Variants in MDFIC observed in about 807,000 individuals in gnomAD.
MDFIC encodes the protein myoD family inhibitor domain-containing protein.
In MDFIC, 17 loss-of-function variants were observed where a neutral mutation model predicts 23.2. That is an observed-to-expected ratio of 0.73 (90% CI 0.50 to 1.10). MDFIC has a LOEUF of 1.10. Among genes scored for constraint, MDFIC ranks in the 50% least tolerant of loss-of-function variants. The pLI, the probability that MDFIC is intolerant of heterozygous loss-of-function variation, is 0.00. For missense variants in MDFIC, 356 were observed against 316.6 expected, an observed-to-expected ratio of 1.12 and a Z score of -0.95; for synonymous variants, 120 against 115.2, an observed-to-expected ratio of 1.04 and a Z score of -0.27.
At chr7:115,005,328 A>C (rs1791548538) in intron 4 of MDFIC, among the ~76,000 whole-genome samples, 1 of 152,248 alleles carries the variant, frequency 6.6e-6, no homozygotes, top group Non-Finnish European at 1.5e-5. Context: ...AAGGGTGATC[A>C]TTAATTGAAA....
intron 4 of MDFIC, among the ~76,000 whole-genome samples, chr7:114,984,254 C>T (rs1420215151): frequency 6.6e-6 from 1 of 152,184 alleles, no homozygotes; most frequent in African/African-American, 2.4e-5. Flanking sequence ...AAACAACTCT[C>T]ACACCTGTGC....
chr7:114,939,238 T>C (rs1389446075), intron 2 of MDFIC, among the ~76,000 whole-genome samples: 1 of 152,314 alleles, frequency 6.6e-6, no homozygotes, highest in East Asian at 1.9e-4. Flanking sequence ...AAGTGGAGAA[T>C]TGGCAAAAGT....
chr7:114,929,461 T>C (rs1242133902), intron 2 of MDFIC, among the ~76,000 whole-genome samples: 1 of 152,198 alleles, frequency 6.6e-6, no homozygotes, highest in African/African-American at 2.4e-5. Flanking sequence ...CTGCTATAGA[T>C]ATGGTGTCTC....
intron 4 of MDFIC, among the ~76,000 whole-genome samples, chr7:115,008,969 G>C (rs1791626415): frequency 6.6e-6 from 1 of 152,196 alleles, no homozygotes; most frequent in Non-Finnish European, 1.5e-5. Flanking sequence ...GGAACAACTG[G>C]GGGTGCTCTG....
chr7:114,922,790 T>C (rs2115655729), intron 1 of MDFIC, 137 bp from the exon 2 acceptor site: 1 of 1,307,784 alleles, frequency 7.6e-7, no homozygotes, highest in Non-Finnish European at 1.0e-6. Flanking sequence ...AACAGTTTTC[T>C]TCGCAAGTTT....
At chr7:114,966,207 A>G (rs1009822648) in intron 3 of MDFIC, among the ~76,000 whole-genome samples, 28 of 152,212 alleles carry the variant, frequency 1.8e-4, no homozygotes, top group Non-Finnish European at 7.3e-5. Flanking sequence ...TATTTTTTGT[A>G]GCAAAATTAT....
At chr7:114,944,675 C>A (rs978091028) in intron 3 of MDFIC, among the ~76,000 whole-genome samples, 3 of 152,180 alleles carry the variant, frequency 2.0e-5, no homozygotes, top group African/African-American at 2.4e-5. Flanking sequence ...GTAATTTAGT[C>A]TGTCTGTCTT....
chr7:114,979,574 A>G lies in MDFIC; in HGVS notation c.286A>G (p.Ile96Val), dbSNP rs1206001993. The G allele has an allele frequency of 1.9e-6, 3 of 1,614,136 alleles. No homozygotes were observed. The highest frequency in any genetic ancestry group is 1.7e-5 in the Admixed American group (1 of 60,016). ...QVPSGEEIGK[I>V]KNGHTGLSNG... is the part of the protein sequence containing the mutation. ...GCCAAGTGGTGAGGAAATAGGCAAG[A>G]TAAAGAACGGCCACACAGGTCTGAG... The change falls in exon 4 of 5, where the codon ATA becomes GTA. Residue 96 changes from isoleucine (I) to valine (V), a missense_variant. Physicochemically the swap from Ile to Val is conservative, Grantham distance 29. Coordinates refer to ENST00000393486, the MANE Select transcript of MDFIC (RefSeq NM_001166345.3).
chr7:114,935,378 T>C (rs1792404906), intron 2 of MDFIC, among the ~76,000 whole-genome samples: 1 of 152,086 alleles, frequency 6.6e-6, no homozygotes, highest in Non-Finnish European at 1.5e-5. Context: ...CAAAGAGAAC[T>C]AGTTATACTC....
intron 3 of MDFIC, among the ~76,000 whole-genome samples, chr7:114,949,052 G>A (rs1223641690): frequency 6.6e-6 from 1 of 152,096 alleles, no homozygotes; most frequent in Non-Finnish European, 1.5e-5. Flanking sequence ...AAAGTGCTTT[G>A]TATACCATAA....
rs970939354 is a variant in MDFIC, at chr7:114,922,257, A to G, written c.-487A>G. The G allele has an allele frequency of 1.5e-6, 1 of 645,308 alleles. No individual in the cohort carries two copies. The highest frequency in any genetic ancestry group is 4.4e-5 in the Admixed American group (1 of 22,914). 40.0% of individuals were successfully genotyped at this position (645,308 alleles called of 1,614,324 possible). ...CCCAGCATCGGGGCCGCTAGCCAAG[A>G]GTTCGAGGCCTTCCCGATCCGGATG... On this transcript the variant is annotated 5_prime_UTR_variant, in exon 1 of 5. Coordinates refer to ENST00000393486, the MANE Select transcript of MDFIC (RefSeq NM_001166345.3).
chr7:114,982,841 A>G (rs1359515833), intron 4 of MDFIC, among the ~76,000 whole-genome samples: 2 of 152,202 alleles, frequency 1.3e-5, no homozygotes, highest in Non-Finnish European at 2.9e-5. Context: ...TCTGCTTCTA[A>G]GATGATGCCT....
chr7:114,952,658 T>C (rs898027253), intron 3 of MDFIC, among the ~76,000 whole-genome samples: 1 of 152,158 alleles, frequency 6.6e-6, no homozygotes, highest in Non-Finnish European at 1.5e-5. Context: ...TAATTAAGTA[T>C]ATTTTCCATG....
At chr7:114,970,526 G>A (rs138477451) in intron 3 of MDFIC, among the ~76,000 whole-genome samples, 205 of 152,068 alleles carry the variant, frequency 1.3e-3, no homozygotes, top group African/African-American at 3.3e-3. Flanking sequence ...TATCCATATC[G>A]CCTTTTGTAT....
intron 3 of MDFIC, among the ~76,000 whole-genome samples, chr7:114,952,584 T>C (rs1307333431): frequency 6.6e-6 from 1 of 152,038 alleles, no homozygotes; most frequent in Non-Finnish European, 1.5e-5. Context: ...AGGGTGAAAA[T>C]TACATTAAAG....
At chr7:114,927,928 C>T (rs1389642873) in intron 2 of MDFIC, among the ~76,000 whole-genome samples, 2 of 152,066 alleles carry the variant, frequency 1.3e-5, no homozygotes, top group East Asian at 3.8e-4. Context: ...TAAAATTAAA[C>T]TGAATAGAAA....
At chr7:114,941,027 A>G (rs1053449767) in intron 2 of MDFIC, among the ~76,000 whole-genome samples, 1 of 152,062 alleles carries the variant, frequency 6.6e-6, no homozygotes, top group Non-Finnish European at 1.5e-5. Context: ...ATGTATCCAT[A>G]CTCCATTGGA....
chr7:114,931,297 G>T (rs1456973392), intron 2 of MDFIC, among the ~76,000 whole-genome samples: 2 of 152,154 alleles, frequency 1.3e-5, no homozygotes, highest in Admixed American at 1.3e-4. Context: ...TTCGTTTGTG[G>T]TTTTTACTTA....
chr7:114,954,779 C>T (rs960355417), intron 3 of MDFIC, among the ~76,000 whole-genome samples: 2 of 152,176 alleles, frequency 1.3e-5, no homozygotes, highest in East Asian at 3.8e-4. Context: ...GTAAATACTA[C>T]TACAGTAGTG....
Sources: gnomAD v4.1 joint callset for allele counts (sites outside exome capture counted in the v4.1 genomes callset) on GRCh38, gnomAD v4.1.1 for gene constraint, MANE v1.5 for transcripts, NCBI Gene and HGNC (gene_info 2026-07-23, HGNC 2026-07-21) for gene names.